The following HASPIN variants were observed in gnomAD, a reference collection of about 807,000 sequenced individuals.
HASPIN encodes the protein serine/threonine-protein kinase haspin.
HASPIN carries 24 observed loss-of-function variants against 28.8 expected under a neutral mutation model. That is an observed-to-expected ratio of 0.83 (90% CI 0.60 to 1.17). The LOEUF (loss-of-function observed/expected upper bound fraction) is 1.17, where lower values mean the gene tolerates loss of function less well. Among genes scored for constraint, HASPIN ranks in the 50% most tolerant of loss-of-function variants. HASPIN has a pLI of 0.00. For missense variants in HASPIN, 1,016 were observed against 1,018.5 expected, an observed-to-expected ratio of 1.00 and a Z score of 0.03; for synonymous variants, 440 against 413.1, an observed-to-expected ratio of 1.07 and a Z score of -0.79.
Position 3,725,867 on chromosome 17 carries a change from C to A in HASPIN, c.1932C>A (p.Arg644=). 1 of 1,610,308 alleles carries A rather than the reference C, an allele frequency of 6.2e-7. No homozygotes were observed. Among genetic ancestry groups the A allele is most frequent in the Non-Finnish European group, 8.5e-7 (1 of 1,179,520 alleles). ...TCGCAGTGGCAGAGGCATCACTGCGCTTTGAGCACCGAGACTTACACTGGG... is the reference window on the plus strand; with the variant it reads ...TCGCAGTGGCAGAGGCATCACTGCGATTTGAGCACCGAGACTTACACTGGG... ...ASLAVAEASL[R]FEHRDLHWGN... is the part of the protein sequence containing the mutation. Residue 644 remains arginine, a synonymous_variant, in exon 1 of 1, where the codon CGC becomes CGA. Transcript: ENST00000325418.
Position 3,724,985 on chromosome 17 carries a change from C to T in HASPIN, c.1050C>T (p.Leu350=), listed in dbSNP as rs377252855. Residue 350 remains leucine (L), a synonymous_variant, in exon 1 of 1, where the codon CTC becomes CTT. Coordinates refer to ENST00000325418, the MANE Select transcript of HASPIN (RefSeq NM_031965.2). ...SKHQEATETS[L]LHSHRFKKGQ... ...ATCAGGAGGCAACGGAAACCTCTCT[C>T]CTCCATTCCCACCGCTTTAAAAAGG... 99 of 1,614,026 alleles carry T rather than the reference C, an allele frequency of 6.1e-5. No homozygotes were observed. Among genetic ancestry groups the T allele is most frequent in the Non-Finnish European group, 7.7e-5 (91 of 1,180,032 alleles).
In HASPIN at chr17:3,723,991, C is replaced by A. The variant is rs761221456; in HGVS notation, c.56C>A (p.Ala19Glu). ...GSRLFRTYGAADGRRQRRPGR... is the reference protein window; with the variant it reads ...GSRLFRTYGAEDGRRQRRPGR... ...CGGCTTTTCCGCACATATGGGGCTGCGGACGGCAGGAGACAGCGGCGGCCG... is the reference window on the plus strand; with the variant it reads ...CGGCTTTTCCGCACATATGGGGCTGAGGACGGCAGGAGACAGCGGCGGCCG... Residue 19 changes from alanine (A) to glutamate (E), a missense_variant, in exon 1 of 1, where the codon GCG becomes GAG. Physicochemically the swap from Ala to Glu is moderately radical, Grantham distance 107. Transcript: ENST00000325418. The A allele has an allele frequency of 2.5e-6, 4 of 1,593,154 alleles. No homozygotes were observed. Among genetic ancestry groups the A allele is most frequent in the East Asian group, 4.5e-5 (2 of 44,070 alleles).
rs2051220925 is a variant in HASPIN at position 3,726,664 on chromosome 17, A to G, written c.*332A>G. The G allele has an allele frequency of 9.0e-6, 2 of 222,342 alleles. No homozygotes were observed. The highest frequency in any genetic ancestry group is 1.5e-4 in the South Asian group (1 of 6,772). 13.8% of individuals were successfully genotyped at this position (222,342 alleles called of 1,614,324 possible). ...TCAACATAGCAAGACCCCTGTCTCT[A>G]TTTTTTTAAATAAATAAACTACATG... On this transcript the variant is annotated 3_prime_UTR_variant, in exon 1 of 1. Coordinates refer to ENST00000325418, the MANE Select transcript of HASPIN (RefSeq NM_031965.2).
rs2051185196 is a variant in HASPIN at position 3,725,360 on chromosome 17, T to G, written c.1425T>G (p.Phe475Leu). ...GCAGTCAGAAGGGTCCTGTCCCCTTTAGCCATTGCCTTCCCACAGAAAAAC... is the reference window on the plus strand; with the variant it reads ...GCAGTCAGAAGGGTCCTGTCCCCTTGAGCCATTGCCTTCCCACAGAAAAAC... ...GECSQKGPVP[F>L]SHCLPTEKLQ... The change falls in exon 1 of 1, where the codon TTT becomes TTG. Residue 475 changes from phenylalanine (F) to leucine (L), a missense_variant. Coordinates refer to ENST00000325418, the MANE Select transcript of HASPIN (RefSeq NM_031965.2). 3 of 1,613,198 alleles carry G rather than the reference T, an allele frequency of 1.9e-6. No homozygotes were observed. The highest frequency in any genetic ancestry group is 2.5e-6 in the Non-Finnish European group (3 of 1,179,396).
In HASPIN at chr17:3,726,550, G is replaced by A. The variant is rs975458810; in HGVS notation, c.*218G>A. 3 of 550,152 alleles carry A rather than the reference G, an allele frequency of 5.5e-6. No individual in the cohort carries two copies. The highest frequency in any genetic ancestry group is 9.8e-6 in the Non-Finnish European group (3 of 307,370). 34.1% of individuals were successfully genotyped at this position (550,152 alleles called of 1,614,324 possible). On this transcript the variant is annotated 3_prime_UTR_variant, in exon 1 of 1. Transcript: ENST00000325418. The stretch of plus-strand genomic sequence containing the variant: ...ATGTTCTGAAAGAAGTAAACTAGCC[G>A]GGCACAGTGGCGTGCGCCTGTAGTC...
At position 3,726,303 on chromosome 17, in the gene HASPIN, T is replaced by A. The variant is rs759375099; in HGVS notation, c.2368T>A (p.Leu790Met). Reference protein sequence around the residue: ...TMLNFSSATDLLCQHSLFK With the variant: ...TMLNFSSATDMLCQHSLFK ...GCTGAACTTCAGCTCTGCCACTGAC[T>A]TGCTCTGCCAGCACAGTCTGTTTAA... Residue 790 changes from leucine (L) to methionine (M), a missense_variant, in exon 1 of 1, where the codon TTG becomes ATG. Transcript: ENST00000325418. 4 of 1,613,546 alleles carry A rather than the reference T, an allele frequency of 2.5e-6. No individual in the cohort carries two copies. The South Asian group carries it at 4.4e-5, about 18-fold the overall frequency.
rs545708847 is a variant in HASPIN at position 3,724,576 on chromosome 17, G to T, written c.641G>T (p.Arg214Leu). 2 of 1,614,040 alleles carry T rather than the reference G, an allele frequency of 1.2e-6. No individual in the cohort carries two copies. The highest frequency in any genetic ancestry group is 8.5e-7 in the Non-Finnish European group (1 of 1,180,040). Residue 214 changes from arginine to leucine, a missense_variant, in exon 1 of 1, where the codon CGA becomes CTA. This residue lies in a region of HASPIN where 881 missense variants were observed against 845.5 expected (regional missense o/e 1.04). Transcript: ENST00000325418. The stretch of plus-strand genomic sequence containing the variant: ...CACCTCCCAGAAGTCTCCCTGGACC[G>T]AGCATCTCTCCCCTGCTCCCAGGAG... ...GLHLPEVSLDRASLPCSQEEA... is the reference protein window; with the variant it reads ...GLHLPEVSLDLASLPCSQEEA...
rs750702517 is a variant in HASPIN at position 3,725,056 on chromosome 17, C to G, written c.1121C>G (p.Pro374Arg). 3.1e-6 allele frequency: 5 copies of G among 1,614,132 alleles called. No individual in the cohort carries two copies. Among genetic ancestry groups the G allele is most frequent in the Non-Finnish European group, 3.4e-6 (4 of 1,180,054 alleles). The change falls in exon 1 of 1, where the codon CCT (proline) becomes CGT (arginine). Residue 374 changes from proline to arginine, a missense_variant. Around this residue, in one of 3 missense-constraint regions of HASPIN, gnomAD observed 881 missense variants for 845.5 expected, o/e 1.04. Transcript: ENST00000325418. ...TCGTTCCCCACCCAGGACCTGACTCCTTTACAGAATGTCTGCTTTTGGACC... is the reference window on the plus strand; with the variant it reads ...TCGTTCCCCACCCAGGACCTGACTCGTTTACAGAATGTCTGCTTTTGGACC... ...KDSFPTQDLT[P>R]LQNVCFWTKT...
chr17:3,724,473 C>G lies in HASPIN; in HGVS notation c.538C>G (p.Pro180Ala), dbSNP rs1321595963. The change falls in exon 1 of 1, where the codon CCA becomes GCA. Residue 180 changes from proline (P) to alanine (A), a missense_variant. Coordinates refer to ENST00000325418, the MANE Select transcript of HASPIN (RefSeq NM_031965.2). The stretch of plus-strand genomic sequence containing the variant: ...TCTGGCCTCGCCCTGCCCCGGGTCC[C>G]CAACGCCAAGGGACAGTGTCATCTC... ...SSLASPCPGSPTPRDSVISIG... is the reference protein window; with the variant it reads ...SSLASPCPGSATPRDSVISIG... 3 of 1,613,902 alleles carry G rather than the reference C, an allele frequency of 1.9e-6. No individual in the cohort carries two copies. The South Asian group carries it at 3.3e-5, about 18-fold the overall frequency.
At position 3,725,795 on chromosome 17, in the gene HASPIN, T is replaced by C. The variant is rs760216347; in HGVS notation, c.1860T>C (p.Ser620=). The C allele has an allele frequency of 1.4e-5, 23 of 1,605,842 alleles. No homozygotes were observed. The highest frequency in any genetic ancestry group is 1.9e-5 in the Non-Finnish European group (22 of 1,174,772). Residue 620 remains serine (S), a synonymous_variant, in exon 1 of 1, where the codon TCT becomes TCC. Transcript: ENST00000325418. ...IDLEQMRTKL[S]SLATAKSILH... is the part of the protein sequence containing the mutation. ...TAGAGCAAATGCGAACCAAGTTGTCTTCCTTGGCTACTGCAAAGAGCATTC... is the reference window on the plus strand; with the variant it reads ...TAGAGCAAATGCGAACCAAGTTGTCCTCCTTGGCTACTGCAAAGAGCATTC...
chr17:3,724,031 G>A lies in HASPIN; in HGVS notation c.96G>A (p.Ala32=), dbSNP rs992929206. The change falls in exon 1 of 1, where the codon GCG becomes GCA. Residue 32 remains alanine (A), a synonymous_variant. Coordinates refer to ENST00000325418, the MANE Select transcript of HASPIN (RefSeq NM_031965.2). ...RRQRRPGREA[A]QWFPPQDRRR... Reference sequence around the variant, plus strand: ...AGCGGCGGCCGGGCCGGGAAGCCGCGCAGTGGTTCCCGCCGCAGGACCGGA... The same window carrying A: ...AGCGGCGGCCGGGCCGGGAAGCCGCACAGTGGTTCCCGCCGCAGGACCGGA... 3.1e-6 allele frequency: 5 copies of A among 1,591,810 alleles called. No homozygotes were observed. The African/African-American group carries it at 5.4e-5, about 17-fold the overall frequency.
Position 3,724,061 on chromosome 17 carries a change from TTTC to T in HASPIN, c.130_132del (p.Phe44del), listed in dbSNP as rs770595299. ...GGTTCCCGCCGCAGGACCGGAGGCG[TTTC>T]TTCAACAGCAGCGGCAGCAGCGACG... On this transcript the variant is annotated inframe_deletion, in exon 1 of 1. Transcript: ENST00000325418. 6.3e-7 allele frequency: 1 copy of T among 1,595,812 alleles called. No individual in the cohort carries two copies. The highest frequency in any genetic ancestry group is 2.2e-5 in the East Asian group (1 of 44,460).
Position 3,726,359 on chromosome 17 carries a change from TGAGAG to T in HASPIN, c.*32_*36del, listed in dbSNP as rs1413465938. The T allele has an allele frequency of 1.3e-6, 2 of 1,506,252 alleles. No homozygotes were observed. The highest frequency in any genetic ancestry group is 1.8e-6 in the Non-Finnish European group (2 of 1,097,802). The allele number at this position is 1,506,252 out of a possible 1,614,324, so 93.3% of individuals were successfully genotyped here. ...CTAAATGTATCTTACTGCCCCGAAATGAGAGGAGACTGGTCTTGAAGCCTCTGGTG... is the reference window on the plus strand; with the variant it reads ...CTAAATGTATCTTACTGCCCCGAAATGAGACTGGTCTTGAAGCCTCTGGTG... On this transcript the variant is annotated 3_prime_UTR_variant, in exon 1 of 1. Transcript: ENST00000325418.
chr17:3,724,885 G>C lies in HASPIN; in HGVS notation c.950G>C (p.Ser317Thr). Residue 317 changes from serine to threonine, a missense_variant, in exon 1 of 1, where the codon AGT (serine) becomes ACT (threonine). Transcript: ENST00000325418. ...EAVRREHQEASVPKGRIVPRG... is the reference protein window; with the variant it reads ...EAVRREHQEATVPKGRIVPRG... ...GTCCGGAGAGAGCATCAGGAGGCCA[G>C]TGTTCCCAAGGGCCGCATTGTGCCA... 1 of 1,613,560 alleles carries C rather than the reference G, an allele frequency of 6.2e-7. No homozygotes were observed.
At position 3,724,439 on chromosome 17, in the gene HASPIN, G is replaced by A. The variant is rs765069883; in HGVS notation, c.504G>A (p.Leu168=). ...DGDELGISAS[L]FSSLASPCPG... The stretch of plus-strand genomic sequence containing the variant: ...ACGAGCTGGGCATCAGTGCCTCCCT[G>A]TTCAGCTCTCTGGCCTCGCCCTGCC... Residue 168 remains leucine, a synonymous_variant, in exon 1 of 1, where the codon CTG becomes CTA. Coordinates refer to ENST00000325418, the MANE Select transcript of HASPIN (RefSeq NM_031965.2). 6.2e-7 allele frequency: 1 copy of A among 1,613,460 alleles called. No individual in the cohort carries two copies. The highest frequency in any genetic ancestry group is 1.7e-5 in the Admixed American group (1 of 59,998).
Position 3,724,421 on chromosome 17 carries a change from G to A in HASPIN, c.486G>A (p.Leu162=), listed in dbSNP as rs775778814. 2.5e-6 allele frequency: 4 copies of A among 1,612,746 alleles called. No individual in the cohort carries two copies. Among genetic ancestry groups the A allele is most frequent in the Admixed American group, 3.3e-5 (2 of 59,952 alleles). The change falls in exon 1 of 1, where the codon CTG becomes CTA. Residue 162 remains leucine, a synonymous_variant. Coordinates refer to ENST00000325418, the MANE Select transcript of HASPIN (RefSeq NM_031965.2). Reference sequence around the variant, plus strand: ...GCCAGCCCAGGGACGGCGACGAGCTGGGCATCAGTGCCTCCCTGTTCAGCT... The same window carrying A: ...GCCAGCCCAGGGACGGCGACGAGCTAGGCATCAGTGCCTCCCTGTTCAGCT... ...VCGQPRDGDE[L]GISASLFSSL...
chr17:3,724,838 A>G lies in HASPIN; in HGVS notation c.903A>G (p.Gln301=), dbSNP rs2051167967. 6.2e-7 allele frequency: 1 copy of G among 1,614,102 alleles called. No individual in the cohort carries two copies. Among genetic ancestry groups the G allele is most frequent in the Non-Finnish European group, 8.5e-7 (1 of 1,180,010 alleles). ...KRRATGQDSC[Q]ERGLQEAVRR... The stretch of plus-strand genomic sequence containing the variant: ...GGGCCACAGGCCAGGACTCTTGTCA[A>G]GAGAGAGGGCTTCAAGAGGCCGTCC... Residue 301 remains glutamine, a synonymous_variant, in exon 1 of 1, where the codon CAA becomes CAG. Transcript: ENST00000325418.
Position 3,725,811 on chromosome 17 carries a change from A to G in HASPIN, c.1876A>G (p.Lys626Glu), listed in dbSNP as rs578176845. 45 of 1,611,518 alleles carry G rather than the reference A, an allele frequency of 2.8e-5. No homozygotes were observed. Among genetic ancestry groups the G allele is most frequent in the Non-Finnish European group, 3.6e-5 (42 of 1,178,930 alleles). Residue 626 changes from lysine to glutamate, a missense_variant, in exon 1 of 1, where the codon AAG (lysine) becomes GAG (glutamate). By Grantham distance (56) the Lys-to-Glu change is moderately conservative. This residue lies in a region of HASPIN where 881 missense variants were observed against 845.5 expected (regional missense o/e 1.04). Coordinates refer to ENST00000325418, the MANE Select transcript of HASPIN (RefSeq NM_031965.2). ...CAAGTTGTCTTCCTTGGCTACTGCA[A>G]AGAGCATTCTACACCAGCTCACAGC... ...RTKLSSLATAKSILHQLTASL... is the reference protein window; with the variant it reads ...RTKLSSLATAESILHQLTASL...
At position 3,724,903 on chromosome 17, in the gene HASPIN, T is replaced by C. The variant is rs1325055721; in HGVS notation, c.968T>C (p.Ile323Thr). The C allele has an allele frequency of 1.2e-6, 2 of 1,613,574 alleles. No individual in the cohort carries two copies. The highest frequency in any genetic ancestry group is 1.7e-6 in the Non-Finnish European group (2 of 1,179,806). Residue 323 changes from isoleucine (I) to threonine (T), a missense_variant, in exon 1 of 1, where the codon ATT (isoleucine) becomes ACT (threonine). This residue lies in a region of HASPIN where 881 missense variants were observed against 845.5 expected (regional missense o/e 1.04). Coordinates refer to ENST00000325418, the MANE Select transcript of HASPIN (RefSeq NM_031965.2). ...GAGGCCAGTGTTCCCAAGGGCCGCA[T>C]TGTGCCAAGGGGAATAGACAGGCTG... ...HQEASVPKGR[I>T]VPRGIDRLER...
Sources: allele counts gnomAD v4.1 joint callset, GRCh38; gene constraint gnomAD v4.1.1; regional missense constraint gnomAD v4.1.1; transcripts MANE v1.5; gene names NCBI Gene and HGNC (gene_info 2026-07-23, HGNC 2026-07-21).